Variants in DNAAF5 observed in about 807,000 individuals in gnomAD.
DNAAF5 encodes HEAT repeat containing 2.
Under a neutral mutation model 75.8 loss-of-function variants are expected in DNAAF5, and 64 were observed. The ratio of observed to expected loss-of-function variants is 0.84; its 90% CI spans 0.69 to 1.04. DNAAF5 has a LOEUF of 1.04. Among genes scored for constraint, DNAAF5 ranks in the 50% least tolerant of loss-of-function variants. The probability of loss-of-function intolerance (pLI) is 0.00; values close to 1 mark genes in which losing one functional copy is unlikely to be tolerated. For missense variants in DNAAF5, 1,269 were observed against 1,178.5 expected (o/e 1.08, Z -1.12); for synonymous variants, 657 against 557.2 (o/e 1.18, Z -2.52).
At chr7:759,226 G>T (rs571486752) in intron 6 of DNAAF5, among the ~76,000 whole-genome samples, 2 of 152,186 alleles carry the variant, frequency 1.3e-5, no homozygotes, top group African/African-American at 2.4e-5. Context: ...TTAAAAGCTC[G>T]TGTTTAAACA....
intron 8 of DNAAF5, chr7:769,161 C>T (rs765732015): frequency 3.9e-6 from 3 of 774,302 alleles, no homozygotes; most frequent in Non-Finnish European, 7.2e-6. Context: ...ACTGGCGGCG[C>T]CAGGGAGAAG....
At chr7:770,363 G>C (rs552160288) in intron 8 of DNAAF5, 108 bp from the exon 9 acceptor site, 1 of 965,608 alleles carries the variant, frequency 1.0e-6, no homozygotes, top group South Asian at 1.8e-5. Context: ...GGTGGTGGCC[G>C]ATAGTGCCCT....
At chr7:778,073 A>T (rs958296608) in intron 11 of DNAAF5, 3 of 151,632 alleles carry the variant, frequency 2.0e-5, no homozygotes, top group African/African-American at 7.3e-5. Context: ...CGCCTGCTGA[A>T]CTCTGAGGTC....
chr7:772,991 C>T (rs1778623665), intron 9 of DNAAF5: 1 of 151,518 alleles, frequency 6.6e-6, no homozygotes. Context: ...TTAAAAAAAC[C>T]TAAGCACTCC....
chr7:781,843 G>C (rs1274648040), intron 12 of DNAAF5, among the ~76,000 whole-genome samples: 4 of 152,214 alleles, frequency 2.6e-5, no homozygotes, highest in African/African-American at 4.8e-5. Flanking sequence ...TGGATTATTA[G>C]ATTGTCTGCT....
At chr7:737,670 A>C (rs1781778648) in intron 2 of DNAAF5, among the ~76,000 whole-genome samples, 1 of 152,212 alleles carries the variant, frequency 6.6e-6, no homozygotes, top group Non-Finnish European at 1.5e-5. Context: ...TCATGTTTGA[A>C]GGATTTTTCA....
rs538570488 is a variant in DNAAF5, at chr7:745,371, C to T, written c.1024+3906C>T. 1.9e-4 allele frequency among the ~76,000 whole-genome samples: 29 copies of T among 152,268 alleles called. 1 individual carries two copies. Among genetic ancestry groups the T allele is most frequent in the South Asian group, 1.0e-3 (5 of 4,820 alleles). On this transcript the variant is annotated intron_variant, in intron 4 of 12. Coordinates refer to ENST00000297440, the MANE Select transcript of DNAAF5 (RefSeq NM_017802.4). ...TCGGGGGGACTGTTTCTGGAAGGTA[C>T]GATCTATGATCCTTGGAATGCGGTA...
At position 746,276 on chromosome 7, in the gene DNAAF5, C is replaced by T. The variant is rs562880620; in HGVS notation, c.1024+4811C>T. 7.5e-4 allele frequency among the ~76,000 whole-genome samples: 93 copies of T among 124,650 alleles called. 9 individuals carry two copies. The highest frequency in any genetic ancestry group is 2.7e-3 in the African/African-American group (88 of 33,086). 81.8% of individuals were successfully genotyped at this position (124,650 alleles called of 152,430 possible). A position where few individuals can be genotyped will look rare whatever the true frequency, so the allele number is the denominator to read the frequency against. On this transcript the variant is annotated intron_variant, in intron 4 of 12. Transcript: ENST00000297440. The stretch of plus-strand genomic sequence containing the variant: ...GACGCTCTCCTTACTGTCTTGCCCC[C>T]CCCTGCCCGCTGGGCCCAGGCTCTG...
At chr7:777,264 C>G (rs1182587897) in intron 11 of DNAAF5, among the ~76,000 whole-genome samples, 1 of 152,144 alleles carries the variant, frequency 6.6e-6, no homozygotes, top group Non-Finnish European at 1.5e-5. Flanking sequence ...GCCCCTGGTG[C>G]CAAAAAGGTT....
chr7:727,295 C>A lies in DNAAF5; in HGVS notation c.575C>A (p.Ala192Asp). The stretch of plus-strand genomic sequence containing the variant: ...CGCGAGAGCTGCAGCTGCGCCGCCG[C>A]CCTGGCGCAGGCCACGCCCGGTGAG... Reference protein sequence around the residue: ...VRRESCSCAAALAQATPDHFH... With the variant: ...VRRESCSCAADLAQATPDHFH... The change falls in exon 1 of 13, where the codon GCC becomes GAC. Residue 192 changes from alanine to aspartate, a missense_variant. Coordinates refer to ENST00000297440, the MANE Select transcript of DNAAF5 (RefSeq NM_017802.4). The A allele has an allele frequency of 9.2e-6, 12 of 1,301,920 alleles. No homozygotes were observed. The highest frequency in any genetic ancestry group is 1.2e-5 in the Non-Finnish European group (12 of 1,029,008). 80.6% of individuals were successfully genotyped at this position (1,301,920 alleles called of 1,614,324 possible). A position where few individuals can be genotyped will look rare whatever the true frequency, so the allele number is the denominator to read the frequency against.
chr7:751,816 C>T (rs541417349), intron 4 of DNAAF5, among the ~76,000 whole-genome samples: 5 of 152,178 alleles, frequency 3.3e-5, no homozygotes, highest in African/African-American at 9.6e-5. Context: ...TCAGGTGACC[C>T]GCCTGCCTTG....
At position 732,165 on chromosome 7, in the gene DNAAF5, G is replaced by A. The variant is rs578237313; in HGVS notation, c.780+2318G>A. Among the ~76,000 whole-genome samples the A allele has an allele frequency of 1.5e-3, 227 of 152,380 alleles. 1 individual carries two copies. The highest frequency in any genetic ancestry group is 5.2e-3 in the African/African-American group (217 of 41,588). On this transcript the variant is annotated intron_variant, in intron 2 of 12. Coordinates refer to ENST00000297440, the MANE Select transcript of DNAAF5 (RefSeq NM_017802.4). ...GCAAGGTCAGGACACAGGCGGTCTA[G>A]CCGCCCTGGAGCCTTAGGCCCCGGG...
chr7:753,892 CATCAT>C (rs1338855109), intron 4 of DNAAF5, among the ~76,000 whole-genome samples: 2 of 132,806 alleles, frequency 1.5e-5, no homozygotes, highest in Admixed American at 7.6e-5. Flanking sequence ...GTCTCTCTCT[CATCAT>C]ATGGCGATGG....
At chr7:780,234 G>A in intron 12 of DNAAF5, 90 bp downstream of exon 12, 3 of 1,241,946 alleles carry the variant, frequency 2.4e-6, no homozygotes, top group Non-Finnish European at 3.4e-6. Flanking sequence ...ACCGGCCACA[G>A]GGCCCTGGGG....
chr7:776,795 A>G (rs1283054696), intron 11 of DNAAF5, among the ~76,000 whole-genome samples: 4 of 152,208 alleles, frequency 2.6e-5, no homozygotes, highest in Non-Finnish European at 5.9e-5. Context: ...CACCCAGGCC[A>G]TGGGCCAGTA....
chr7:759,592 T>G (rs1054886643), intron 6 of DNAAF5, among the ~76,000 whole-genome samples: 31 of 152,268 alleles, frequency 2.0e-4, no homozygotes, highest in African/African-American at 7.2e-4. Flanking sequence ...CAAAAAATAC[T>G]GAGAATTATT....
chr7:763,335 C>G (rs980740380), intron 7 of DNAAF5, among the ~76,000 whole-genome samples: 6 of 152,320 alleles, frequency 3.9e-5, no homozygotes, highest in Non-Finnish European at 5.9e-5. Context: ...CCTAAGCCCC[C>G]AAGGAGAGCA....
chr7:763,383 C>CT (rs957267097), intron 7 of DNAAF5, among the ~76,000 whole-genome samples: 2 of 152,196 alleles, frequency 1.3e-5, no homozygotes, highest in African/African-American at 4.8e-5. Flanking sequence ...GTTATCATCT[C>CT]TGTCTGCCCA....
At chr7:736,583 C>T (rs1270741468) in intron 2 of DNAAF5, among the ~76,000 whole-genome samples, 2 of 152,160 alleles carry the variant, frequency 1.3e-5, no homozygotes, top group African/African-American at 4.8e-5. Context: ...TATTTTCAGC[C>T]TACGTGTGCC....
Sources: gnomAD v4.1 joint callset for allele counts (sites outside exome capture counted in the v4.1 genomes callset) on GRCh38, gnomAD v4.1.1 for gene constraint, MANE v1.5 for transcripts, NCBI Gene and HGNC (gene_info 2026-07-23, HGNC 2026-07-21) for gene names.